Variants in IFNGR1 observed in about 807,000 individuals in gnomAD.
IFNGR1 encodes AVP, type 2.
In IFNGR1, 23 loss-of-function variants were observed where a neutral mutation model predicts 35.4. That is an observed-to-expected ratio of 0.65 (90% CI 0.47 to 0.92). The LOEUF is 0.92. IFNGR1 is among the 40% of genes least tolerant of loss of function. The pLI is 0.00. For missense variants in IFNGR1, 533 were observed against 583.4 expected (o/e 0.91, Z 0.89); for synonymous variants, 199 against 209.5 (o/e 0.95, Z 0.43).
chr6:137,198,255 A>T lies in IFNGR1; in HGVS notation c.1246T>A (p.Ser416Thr). 1 of 1,613,474 alleles carries T rather than the reference A, an allele frequency of 6.2e-7. No individual in the cohort carries two copies. Among genetic ancestry groups the T allele is most frequent in the Non-Finnish European group, 8.5e-7 (1 of 1,179,958 alleles). ...DHSRNGFDTDSSCLESHSSLS... is the reference protein window; with the variant it reads ...DHSRNGFDTDTSCLESHSSLS... The stretch of plus-strand genomic sequence containing the variant: ...GAGCTATGTGATTCCAGACAGCTGG[A>T]ATCAGTATCAAAACCATTTCTGGAG... The change falls in exon 7 of 7, where the codon TCC becomes ACC. Residue 416 changes from serine (S) to threonine (T), a missense_variant. Transcript: ENST00000367739.
intron 1 of IFNGR1, among the ~76,000 whole-genome samples, chr6:137,212,386 T>C (rs150513961): frequency 3.9e-5 from 6 of 152,240 alleles, no homozygotes; most frequent in Admixed American, 3.9e-4. Flanking sequence ...GCCTCCCGAG[T>C]AGCTGAGATT....
chr6:137,217,602 T>C (rs1051317415), intron 1 of IFNGR1, among the ~76,000 whole-genome samples: 1 of 152,170 alleles, frequency 6.6e-6, no homozygotes, highest in Non-Finnish European at 1.5e-5. Context: ...AAGCTGTCAA[T>C]ACCCAGACAG....
At chr6:137,199,420 A>G (rs1285973449) in intron 6 of IFNGR1, among the ~76,000 whole-genome samples, 1 of 88,964 alleles carries the variant, frequency 1.1e-5, no homozygotes, top group Admixed American at 1.6e-4. Context: ...TATATTATAT[A>G]AACATATAAT....
chr6:137,209,850 C>G (rs1779534961), intron 1 of IFNGR1: 1 of 398,500 alleles, frequency 2.5e-6, no homozygotes, highest in African/African-American at 2.1e-5. Flanking sequence ...GAATAGATAC[C>G]TAAAGATTGA....
rs368931440 is a variant in IFNGR1, at chr6:137,202,602, T to C, written c.733+897A>G. 4.4e-3 allele frequency among the ~76,000 whole-genome samples: 620 copies of C among 142,194 alleles called. 17 individuals carry two copies. The highest frequency in any genetic ancestry group is 0.04 in the Admixed American group (565 of 14,188). 93.3% of individuals were successfully genotyped at this position (142,194 alleles called of 152,430 possible). A position where few individuals can be genotyped will look rare whatever the true frequency, so the allele number is the denominator to read the frequency against. ...AATCCTAAGGAAAAAAATATATGTA[T>C]ACACACACACACACACACACACACA... is the stretch of plus-strand genomic sequence containing the variant. On this transcript the variant is annotated intron_variant, in intron 5 of 6. Transcript: ENST00000367739.
At chr6:137,203,867 C>T in intron 4 of IFNGR1, 182 bp from the exon 5 acceptor site, 1 of 624,126 alleles carries the variant, frequency 1.6e-6, no homozygotes, top group Non-Finnish European at 2.8e-6. Context: ...CGATACTATG[C>T]ATCTGTTATA....
chr6:137,201,719 G>C (rs907509241), intron 5 of IFNGR1, among the ~76,000 whole-genome samples: 9 of 151,840 alleles, frequency 5.9e-5, no homozygotes, highest in Admixed American at 2.6e-4. Context: ...TTCTGGCAAT[G>C]TTTATTGCTC....
At chr6:137,200,677 T>C (rs192472817) in intron 6 of IFNGR1, among the ~76,000 whole-genome samples, 43 of 147,266 alleles carry the variant, frequency 2.9e-4, no homozygotes, top group Middle Eastern at 3.5e-3. Flanking sequence ...CACCGTGTTT[T>C]TCCCTGAGAA....
rs1779532866 is a variant in IFNGR1 at position 137,209,799 on chromosome 6, ATAC to A, written c.86-2725_86-2723del. ...TACCATCAACCTCTCAACTCTACAC[ATAC>A]TACTATTTATGCCTTCCACACTTTT... On this transcript the variant is annotated intron_variant, in intron 1 of 6. Coordinates refer to ENST00000367739, the MANE Select transcript of IFNGR1 (RefSeq NM_000416.3). 1.8e-5 allele frequency: 7 copies of A among 398,816 alleles called. No individual in the cohort carries two copies. The South Asian group carries it at 8.9e-4, about 51-fold the overall frequency. The allele number at this position is 398,816 out of a possible 1,614,324, so 24.7% of individuals were successfully genotyped here. A position where few individuals can be genotyped will look rare whatever the true frequency, so the allele number is the denominator to read the frequency against.
intron 5 of IFNGR1, among the ~76,000 whole-genome samples, chr6:137,201,347 A>G (rs1266108494): frequency 2.0e-5 from 3 of 152,220 alleles, no homozygotes; most frequent in Non-Finnish European, 4.4e-5. Context: ...TTAAAAATGC[A>G]AAAGAATAAT....
In IFNGR1 at chr6:137,206,974, T is replaced by A; in HGVS notation, c.189A>T (p.Val63=). The change falls in exon 2 of 7, where the codon GTA becomes GTT. Residue 63 remains valine (V), a synonymous_variant. Transcript: ENST00000367739. ...AGAGTGACACTCACCCATAGTTCTT[T>A]ACCTCTACGGTAAAAACAGGGACCT... The part of the protein sequence containing the change: ...MPQVPVFTVE[V]KNYGVKNSEW... The A allele has an allele frequency of 1.2e-6, 2 of 1,610,278 alleles. No homozygotes were observed. Among genetic ancestry groups the A allele is most frequent in the Non-Finnish European group, 1.7e-6 (2 of 1,176,532 alleles).
At chr6:137,202,422 T>G (rs745687863) in intron 5 of IFNGR1, among the ~76,000 whole-genome samples, 1 of 152,246 alleles carries the variant, frequency 6.6e-6, no homozygotes, top group Non-Finnish European at 1.5e-5. Flanking sequence ...TGCATTGCAC[T>G]GCTTTAAATC....
At chr6:137,199,840 C>T (rs950211336) in intron 6 of IFNGR1, among the ~76,000 whole-genome samples, 3 of 151,124 alleles carry the variant, frequency 2.0e-5, no homozygotes, top group Non-Finnish European at 4.4e-5. Flanking sequence ...CCAATTTTTA[C>T]TAGCTATGGA....
Position 137,198,395 on chromosome 6 carries a change from C to A in IFNGR1, c.1106G>T (p.Ser369Ile). ...CTCTCTCTCTATTGGAGTCAGATGG[C>A]TGCCCGGGACCACGTCAGGAATATT... ...EENIPDVVPG[S>I]HLTPIERESS... The change falls in exon 7 of 7, where the codon AGC becomes ATC. Residue 369 changes from serine (S) to isoleucine (I), a missense_variant. Physicochemically the swap from Ser to Ile is moderately radical, Grantham distance 142. Coordinates refer to ENST00000367739, the MANE Select transcript of IFNGR1 (RefSeq NM_000416.3). 1 of 1,614,152 alleles carries A rather than the reference C, an allele frequency of 6.2e-7. No individual in the cohort carries two copies.
intron 1 of IFNGR1, among the ~76,000 whole-genome samples, chr6:137,208,149 T>A (rs1204915549): frequency 6.6e-6 from 1 of 152,080 alleles, no homozygotes; most frequent in Non-Finnish European, 1.5e-5. Context: ...GAGAGATGAT[T>A]TAGGGTATCT....
chr6:137,200,828 A>T, intron 6 of IFNGR1, 53 bp downstream of exon 6: 1 of 1,352,644 alleles, frequency 7.4e-7, no homozygotes, highest in South Asian at 1.3e-5. Context: ...AGAAACTATC[A>T]AAAAAGGTTC....
intron 1 of IFNGR1, among the ~76,000 whole-genome samples, chr6:137,207,858 G>A (rs570569865): frequency 6.6e-6 from 1 of 152,334 alleles, no homozygotes; most frequent in African/African-American, 2.4e-5. Flanking sequence ...ACAAGAAAAT[G>A]TGGAAGCAAC....
intron 1 of IFNGR1, chr6:137,218,638 G>A (rs1032688656): frequency 1.2e-5 from 5 of 401,834 alleles, no homozygotes; most frequent in South Asian, 9.0e-5. Context: ...CACGAACTGA[G>A]ACCACGATGC....
At chr6:137,207,647 G>A (rs867028449) in intron 1 of IFNGR1, among the ~76,000 whole-genome samples, 25 of 151,978 alleles carry the variant, frequency 1.6e-4, no homozygotes, top group African/African-American at 5.3e-4. Flanking sequence ...TTTTTGCTTC[G>A]TCCTCATTTT....
Sources: allele counts gnomAD v4.1 joint callset (sites outside exome capture counted in the v4.1 genomes callset), GRCh38; gene constraint gnomAD v4.1.1; transcripts MANE v1.5; gene names NCBI Gene and HGNC (gene_info 2026-07-23, HGNC 2026-07-21).